Variants in PTPRR observed in about 807,000 individuals in gnomAD.
PTPRR encodes the protein receptor-type tyrosine-protein phosphatase R.
In PTPRR, 38 loss-of-function variants were observed where a neutral mutation model predicts 77.2. That is an observed-to-expected ratio of 0.49 (90% CI 0.38 to 0.65). The LOEUF (loss-of-function observed/expected upper bound fraction) is 0.65. PTPRR is among the 30% of genes least tolerant of loss of function. The pLI is 0.00. For missense variants in PTPRR, 744 were observed against 799.2 expected (o/e 0.93, Z 0.83); for synonymous variants, 299 against 283.1 (o/e 1.06, Z -0.57).
At position 70,708,811 on chromosome 12, in the gene PTPRR, TACAAACACAC is replaced by T. The variant is rs1366338623; in HGVS notation, c.1008-7498_1008-7489del. Among the ~76,000 whole-genome samples, 194 of 143,268 alleles carry T rather than the reference TACAAACACAC, an allele frequency of 1.4e-3. 1 individual carries two copies. Among genetic ancestry groups the T allele is most frequent in the African/African-American group, 5.4e-3 (188 of 34,608 alleles). 94.0% of individuals were successfully genotyped at this position (143,268 alleles called of 152,430 possible). A position where few individuals can be genotyped will look rare whatever the true frequency, so the allele number is the denominator to read the frequency against. ...CAGCTGATTTAAATATAAATACAAA[TACAAACACAC>T]ACACACACACACACACACACACACG... On this transcript the variant is annotated intron_variant, in intron 6 of 13. Coordinates refer to ENST00000283228, the MANE Select transcript of PTPRR (RefSeq NM_002849.4).
chr12:70,835,101 T>G (rs11612821), intron 2 of PTPRR, among the ~76,000 whole-genome samples: 3,926 of 152,182 alleles, frequency 0.026, 58 homozygotes, highest in Middle Eastern at 0.041. Context: ...AAATAAGTAC[T>G]TCTCTTCAAC....
chr12:70,686,853 A>G (rs893905334), intron 8 of PTPRR, among the ~76,000 whole-genome samples: 1 of 152,146 alleles, frequency 6.6e-6, no homozygotes, highest in African/African-American at 2.4e-5. Flanking sequence ...CCACTCCCCA[A>G]TTCCCGGCAC....
intron 4 of PTPRR, among the ~76,000 whole-genome samples, chr12:70,757,888 T>C (rs1421255557): frequency 6.6e-6 from 1 of 152,198 alleles, no homozygotes; most frequent in Non-Finnish European, 1.5e-5. Flanking sequence ...ATGAATAAAG[T>C]TGTAAGAAAA....
intron 2 of PTPRR, among the ~76,000 whole-genome samples, chr12:70,767,547 C>T (rs1160074751): frequency 2.6e-5 from 4 of 152,056 alleles, no homozygotes; most frequent in Non-Finnish European, 5.9e-5. Context: ...GAGACTTAGA[C>T]TCCTACACAA....
intron 10 of PTPRR, among the ~76,000 whole-genome samples, chr12:70,665,769 G>C (rs1886969783): frequency 6.6e-6 from 1 of 151,226 alleles, no homozygotes; most frequent in Non-Finnish European, 1.5e-5. Flanking sequence ...AGGCGGTCTA[G>C]CTAGTTGTTT....
intron 2 of PTPRR, among the ~76,000 whole-genome samples, chr12:70,816,247 A>C (rs1004647555): frequency 5.3e-5 from 8 of 152,136 alleles, no homozygotes; most frequent in Non-Finnish European, 1.0e-4. Context: ...ATAAATGAGT[A>C]CACCCCAGGA....
chr12:70,742,548 A>T (rs766128644), intron 6 of PTPRR, among the ~76,000 whole-genome samples: 11 of 152,236 alleles, frequency 7.2e-5, no homozygotes, highest in Admixed American at 5.9e-4. Context: ...GCCAAAGGCC[A>T]GATCAGAAAG....
At chr12:70,786,127 C>G (rs889665120) in intron 2 of PTPRR, among the ~76,000 whole-genome samples, 1 of 152,114 alleles carries the variant, frequency 6.6e-6, no homozygotes, top group Non-Finnish European at 1.5e-5. Context: ...GTCTGAAAAA[C>G]GAGGTCAGAC....
intron 4 of PTPRR, 143 bp from the exon 5 acceptor site, chr12:70,754,444 T>C: frequency 6.4e-7 from 1 of 1,566,140 alleles, no homozygotes; most frequent in East Asian, 2.2e-5. Flanking sequence ...GAGCTGCTTC[T>C]CAAACTGATC....
intron 6 of PTPRR, among the ~76,000 whole-genome samples, chr12:70,727,766 G>A (rs537507094): frequency 1.4e-4 from 21 of 152,272 alleles, no homozygotes; most frequent in African/African-American, 4.3e-4. Flanking sequence ...TGGCCAAAAC[G>A]TGAGAAAGAC....
At chr12:70,726,374 C>T (rs188987038) in intron 6 of PTPRR, among the ~76,000 whole-genome samples, 4 of 152,176 alleles carry the variant, frequency 2.6e-5, no homozygotes, top group African/African-American at 9.6e-5. Context: ...TTGCACACCT[C>T]TCATGGCCAA....
intron 4 of PTPRR, among the ~76,000 whole-genome samples, chr12:70,756,495 T>C (rs1890567121): frequency 6.6e-6 from 1 of 152,178 alleles, no homozygotes; most frequent in Non-Finnish European, 1.5e-5. Flanking sequence ...AACCTTTGCA[T>C]AGGGTTAACC....
intron 2 of PTPRR, among the ~76,000 whole-genome samples, chr12:70,881,837 G>A (rs1352397973): frequency 6.6e-6 from 1 of 152,180 alleles, no homozygotes; most frequent in Non-Finnish European, 1.5e-5. Flanking sequence ...ACAATGAATA[G>A]ATTCAACAGC....
At chr12:70,771,524 C>T (rs982722288) in intron 2 of PTPRR, among the ~76,000 whole-genome samples, 1 of 152,128 alleles carries the variant, frequency 6.6e-6, no homozygotes, top group Non-Finnish European at 1.5e-5. Context: ...CAAACCTGCA[C>T]ATGTACCCCC....
chr12:70,771,904 G>T (rs1565691295), intron 2 of PTPRR, among the ~76,000 whole-genome samples: 1 of 152,016 alleles, frequency 6.6e-6, no homozygotes, highest in Non-Finnish European at 1.5e-5. Flanking sequence ...CTGATGATTT[G>T]GTCTAAGATA....
chr12:70,717,399 G>A (rs1889071921), intron 6 of PTPRR, among the ~76,000 whole-genome samples: 1 of 152,100 alleles, frequency 6.6e-6, no homozygotes, highest in African/African-American at 2.4e-5. Context: ...CTATACCAGT[G>A]ACATTTCATT....
chr12:70,787,416 T>C (rs912579171), intron 2 of PTPRR, among the ~76,000 whole-genome samples: 9 of 152,202 alleles, frequency 5.9e-5, no homozygotes, highest in African/African-American at 1.7e-4. Flanking sequence ...TTGAAGAGTA[T>C]GAATGCTGTA....
At chr12:70,706,992 ACTCT>A (rs1178450760) in intron 6 of PTPRR, among the ~76,000 whole-genome samples, 19 of 143,574 alleles carry the variant, frequency 1.3e-4, no homozygotes, top group Admixed American at 1.5e-4. Context: ...TTTTTGCTTC[ACTCT>A]CTATTTACAC....
intron 2 of PTPRR, among the ~76,000 whole-genome samples, chr12:70,804,821 C>T (rs970883731): frequency 3.3e-5 from 5 of 152,046 alleles, no homozygotes; most frequent in African/African-American, 1.2e-4. Flanking sequence ...CCACGGGTCA[C>T]TGCACTGGTG....
Sources: gnomAD v4.1 joint callset for allele counts (sites outside exome capture counted in the v4.1 genomes callset) on GRCh38, gnomAD v4.1.1 for gene constraint, MANE v1.5 for transcripts, NCBI Gene and HGNC (gene_info 2026-07-23, HGNC 2026-07-21) for gene names.